Variants in KLHL29 observed in about 807,000 individuals in gnomAD.
KLHL29 encodes kelch-like protein 29.
A neutral mutation model predicts 80.4 loss-of-function variants in KLHL29; 21 were observed. The ratio of observed to expected loss-of-function variants is 0.26; its 90% confidence interval spans 0.19 to 0.38. KLHL29 has a LOEUF of 0.38. Among genes scored for constraint, KLHL29 ranks in the 10% least tolerant of loss-of-function variants. The probability of loss-of-function intolerance (pLI) is 1.00; values close to 1 mark genes in which losing one functional copy is unlikely to be tolerated. For missense variants in KLHL29, 867 were observed against 1,223.9 expected, an observed-to-expected ratio of 0.71 and a Z score of 4.35; for synonymous variants, 511 against 526.8, an observed-to-expected ratio of 0.97 and a Z score of 0.41.
intron 5 of KLHL29, among the ~76,000 whole-genome samples, chr2:23,654,237 A>G (rs2149165364): frequency 6.6e-6 from 1 of 152,076 alleles, no homozygotes; most frequent in South Asian, 2.1e-4. Flanking sequence ...CTAGTCAGCT[A>G]TGTTTCTCCA....
chr2:23,526,322 C>T (rs1280385311), intron 2 of KLHL29, among the ~76,000 whole-genome samples: 3 of 151,848 alleles, frequency 2.0e-5, no homozygotes, highest in African/African-American at 7.3e-5. Flanking sequence ...TCAGGGCATG[C>T]GGGAGGGGTG....
In KLHL29 at chr2:23,700,167, CTCCT is replaced by C. The variant is rs972613022; in HGVS notation, c.2106-3014_2106-3011del. ...TTTAATCTTTCATTATCCAGTTGGA[CTCCT>C]TCCTATTTTAGCATGTAAACACAAT... On this transcript the variant is annotated intron_variant, in intron 11 of 13. Coordinates refer to ENST00000486442, the MANE Select transcript of KLHL29 (RefSeq NM_052920.2). The surrounding 1 kb of genome is among the most constrained non-coding windows in gnomAD (Gnocchi z 4.6). Among the ~76,000 whole-genome samples, 54 of 152,336 alleles carry C rather than the reference CTCCT, an allele frequency of 3.5e-4. No homozygotes were observed. The highest frequency in any genetic ancestry group is 1.3e-3 in the African/African-American group (54 of 41,578).
chr2:23,435,600 A>G (rs1016880975), intron 1 of KLHL29, among the ~76,000 whole-genome samples: 3 of 152,202 alleles, frequency 2.0e-5, no homozygotes, highest in African/African-American at 7.2e-5. Flanking sequence ...ACGTAAATCA[A>G]TTTTCTGCTC....
At chr2:23,407,427 G>A (rs1202139988) in intron 1 of KLHL29, among the ~76,000 whole-genome samples, 3 of 151,570 alleles carry the variant, frequency 2.0e-5, no homozygotes, top group Non-Finnish European at 2.9e-5. Flanking sequence ...GTGTATTGAC[G>A]TACCTGTCCT....
Position 23,691,713 on chromosome 2 carries a change from G to A in KLHL29, c.1119G>A (p.Leu373=). The A allele has an allele frequency of 6.4e-7, 1 of 1,551,814 alleles. No individual in the cohort carries two copies. Among genetic ancestry groups the A allele is most frequent in the South Asian group, 1.2e-5 (1 of 84,062 alleles). The change falls in exon 7 of 14, where the codon CTG becomes CTA. Residue 373 remains leucine (L), a synonymous_variant. Coordinates refer to ENST00000486442, the MANE Select transcript of KLHL29 (RefSeq NM_052920.2). ...GCGGCCAGGGCGGCCGGGAGAAGCT[G>A]GAGCTCGTCCTGTCGAACCTGCAGG... ...QDSGQGGREK[L]ELVLSNLQAD...
At chr2:23,538,764 C>T (rs1572387387) in intron 2 of KLHL29, among the ~76,000 whole-genome samples, 2 of 152,266 alleles carry the variant, frequency 1.3e-5, no homozygotes, top group East Asian at 1.9e-4. Flanking sequence ...GCTTGTTCCA[C>T]CAGTTCTCAC....
chr2:23,684,957 G>T lies in KLHL29; in HGVS notation c.1079+420G>T, dbSNP rs952956317. On this transcript the variant is annotated intron_variant, in intron 6 of 13. Coordinates refer to ENST00000486442, the MANE Select transcript of KLHL29 (RefSeq NM_052920.2). This position sits in a 1 kb window ranked among gnomAD's most constrained non-coding sequence, Gnocchi z 4.4. ...CCCCAGTGCCATCGTCCCTGCTGTC[G>T]GTGGTGACTAATGCCAGGAAAGCGC... Among the ~76,000 whole-genome samples, 1 of 152,198 alleles carries T rather than the reference G, an allele frequency of 6.6e-6. No homozygotes were observed.
At chr2:23,446,556 A>G (rs564593032) in intron 1 of KLHL29, among the ~76,000 whole-genome samples, 8 of 152,312 alleles carry the variant, frequency 5.3e-5, no homozygotes, top group African/African-American at 1.9e-4. Context: ...CTGGACTGTC[A>G]GGGTACTGTG....
At chr2:23,511,714 G>C (rs114240306) in intron 2 of KLHL29, among the ~76,000 whole-genome samples, 322 of 152,286 alleles carry the variant, frequency 2.1e-3, no homozygotes, top group African/African-American at 7.5e-3. Context: ...TGTGATATCG[G>C]TGCCTGACAC....
At chr2:23,521,897 T>C (rs1226461419) in intron 2 of KLHL29, among the ~76,000 whole-genome samples, 3 of 152,236 alleles carry the variant, frequency 2.0e-5, no homozygotes, top group Admixed American at 6.5e-5. Context: ...CGTTTATCCC[T>C]GAACTAAATG....
chr2:23,638,569 A>G (rs946936219), intron 3 of KLHL29, among the ~76,000 whole-genome samples: 4 of 152,116 alleles, frequency 2.6e-5, no homozygotes, highest in African/African-American at 9.7e-5. Flanking sequence ...ACTTCCCCAC[A>G]CTTCCTCCAT....
chr2:23,494,577 GAT>G (rs1665201666), intron 2 of KLHL29, among the ~76,000 whole-genome samples: 1 of 152,190 alleles, frequency 6.6e-6, no homozygotes, highest in African/African-American at 2.4e-5. Context: ...ACGTTTCCAA[GAT>G]ATAGGACTGC....
intron 1 of KLHL29, among the ~76,000 whole-genome samples, chr2:23,414,594 A>G (rs1291936354): frequency 6.6e-6 from 1 of 152,176 alleles, no homozygotes; most frequent in East Asian, 1.9e-4. Context: ...GGAGAGCTCA[A>G]TTTGAGCCTC....
rs183936605 is a variant in KLHL29 at position 23,464,047 on chromosome 2, G to A, written c.-153-11513G>A. ...TTCATACTTTGAAAAGTAATGTAGC[G>A]GGTGAAGCCCTGAGAGGTTCAAAGC... On this transcript the variant is annotated intron_variant, in intron 1 of 13. Transcript: ENST00000486442. Among the ~76,000 whole-genome samples the A allele has an allele frequency of 7.2e-3, 1,100 of 152,280 alleles. 10 individuals carry two copies. Among genetic ancestry groups the A allele is most frequent in the Non-Finnish European group, 8.3e-3 (562 of 68,030 alleles).
chr2:23,603,344 C>T (rs1307635043), intron 3 of KLHL29, among the ~76,000 whole-genome samples: 2 of 152,296 alleles, frequency 1.3e-5, no homozygotes, highest in East Asian at 3.9e-4. Flanking sequence ...GTTTCCTGGG[C>T]TGGAAGATGA....
chr2:23,638,181 T>G (rs564617848), intron 3 of KLHL29, among the ~76,000 whole-genome samples: 1 of 152,176 alleles, frequency 6.6e-6, no homozygotes, highest in Non-Finnish European at 1.5e-5. Flanking sequence ...TGTTAACATT[T>G]TGGTCATTTC....
At chr2:23,467,686 A>C (rs1387961698) in intron 1 of KLHL29, among the ~76,000 whole-genome samples, 1 of 152,242 alleles carries the variant, frequency 6.6e-6, no homozygotes, top group Non-Finnish European at 1.5e-5. Context: ...ATCATGAAAT[A>C]GAAGCTGTAG....
At chr2:23,456,238 C>T (rs1018795805) in intron 1 of KLHL29, among the ~76,000 whole-genome samples, 4 of 152,322 alleles carry the variant, frequency 2.6e-5, no homozygotes, top group African/African-American at 9.6e-5. Flanking sequence ...CAGTATCCTC[C>T]CCATTGTTGT....
rs572551011 is a variant in KLHL29 at position 23,681,821 on chromosome 2, G to A, written c.941-2578G>A. ...ATGTCATCTACCTGGCTCGTGGTTTGGGCATTAATTCGGCTGGTGACTCTT... is the reference window on the plus strand; with the variant it reads ...ATGTCATCTACCTGGCTCGTGGTTTAGGCATTAATTCGGCTGGTGACTCTT... On this transcript the variant is annotated intron_variant, in intron 5 of 13. Transcript: ENST00000486442. The surrounding 1 kb of genome is among the most constrained non-coding windows in gnomAD (Gnocchi z 4.2). Among the ~76,000 whole-genome samples, 1 of 152,282 alleles carries A rather than the reference G, an allele frequency of 6.6e-6. No individual in the cohort carries two copies. The highest frequency in any genetic ancestry group is 2.1e-4 in the South Asian group (1 of 4,818).
Sources: allele counts gnomAD v4.1 joint callset (sites outside exome capture counted in the v4.1 genomes callset), GRCh38; gene constraint gnomAD v4.1.1; non-coding constraint Gnocchi (gnomAD v3.1); transcripts MANE v1.5; gene names NCBI Gene and HGNC (gene_info 2026-07-23, HGNC 2026-07-21).